The following HOXD13 variants were observed in gnomAD, a reference collection of about 807,000 sequenced individuals.
HOXD13 encodes homeobox D13.
HOXD13 carries 16 observed loss-of-function variants against 27.3 expected under a neutral mutation model. That is an observed-to-expected ratio of 0.59 (90% CI 0.40 to 0.89). The LOEUF (loss-of-function observed/expected upper bound fraction) is 0.89, where lower values mean the gene tolerates loss of function less well. HOXD13 is among the 40% of genes least tolerant of loss of function. The pLI is 0.00. For synonymous variants in HOXD13, 241 were observed against 219.0 expected, an observed-to-expected ratio of 1.10 and a Z score of -0.89; for missense variants, 481 against 482.6, an observed-to-expected ratio of 1.00 and a Z score of 0.03.
At chr2:176,089,272 G>C (rs570077823), upstream of HOXD13, among the ~76,000 whole-genome samples, 17 of 152,330 alleles carry the variant, frequency 1.1e-4, no homozygotes, top group South Asian at 2.3e-3. Context: ...TGCCTGGAGA[G>C]GGAAAATTAG....
intron 1 of HOXD13, among the ~76,000 whole-genome samples, 154 bp downstream of exon 1, chr2:176,093,825 G>A (rs1480695354): frequency 6.6e-6 from 1 of 152,208 alleles, no homozygotes; most frequent in Non-Finnish European, 1.5e-5. Flanking sequence ...TGTCCAGTTC[G>A]TGTGAAATCT....
chr2:176,094,764 C>G lies in HOXD13; in HGVS notation c.*34C>G. 2 of 1,605,364 alleles carry G rather than the reference C, an allele frequency of 1.2e-6. No individual in the cohort carries two copies. The highest frequency in any genetic ancestry group is 2.7e-5 in the African/African-American group (2 of 74,840). Reference sequence around the variant, plus strand: ...AGGTTGGCCACAGACAGCTTAGAAGCCATTCGGTTGTCTCCAAAAGGCCTT... The same window carrying G: ...AGGTTGGCCACAGACAGCTTAGAAGGCATTCGGTTGTCTCCAAAAGGCCTT... On this transcript the variant is annotated 3_prime_UTR_variant, in exon 2 of 2. Transcript: ENST00000392539.
chr2:176,095,700 C>T lies in HOXD13; in HGVS notation c.*970C>T, dbSNP rs1446203040. 4.4e-6 allele frequency: 1 copy of T among 226,408 alleles called. No homozygotes were observed. Among genetic ancestry groups the T allele is most frequent in the African/African-American group, 2.2e-5 (1 of 44,902 alleles). The allele number at this position is 226,408 out of a possible 1,614,324, so 14.0% of individuals were successfully genotyped here. On this transcript the variant is annotated 3_prime_UTR_variant, in exon 2 of 2. Coordinates refer to ENST00000392539, the MANE Select transcript of HOXD13 (RefSeq NM_000523.4). ...CTAAACAAGGGGGCCTCGCATGGAG[C>T]TGTAAAGCATCTAACAAATATGAAA...
At position 176,095,000 on chromosome 2, in the gene HOXD13, C is replaced by A; in HGVS notation, c.*270C>A. On this transcript the variant is annotated 3_prime_UTR_variant, in exon 2 of 2. Transcript: ENST00000392539. ...TGTTTTTAATGTTTTGTTTCTCCCT[C>A]CAGGCCAGTATAAAGGGACTTGAAG... 2.1e-6 allele frequency: 1 copy of A among 473,524 alleles called. No individual in the cohort carries two copies. Among genetic ancestry groups the A allele is most frequent in the South Asian group, 2.3e-5 (1 of 43,398 alleles). The allele number at this position is 473,524 out of a possible 1,614,324, so 29.3% of individuals were successfully genotyped here.
chr2:176,093,546 G>A lies in HOXD13; in HGVS notation c.656G>A (p.Arg219Gln). ...MVSTFGSGEP[R>Q]HEAYISMEGY... ...TCCACTTTCGGCTCCGGGGAGCCTC[G>A]GCACGAGGCCTACATCTCCATGGAG... Residue 219 changes from arginine (R) to glutamine (Q), a missense_variant, in exon 1 of 2, where the codon CGG (arginine) becomes CAG (glutamine). Coordinates refer to ENST00000392539, the MANE Select transcript of HOXD13 (RefSeq NM_000523.4). 3 of 1,613,918 alleles carry A rather than the reference G, an allele frequency of 1.9e-6. No homozygotes were observed. Among genetic ancestry groups the A allele is most frequent in the Non-Finnish European group, 2.5e-6 (3 of 1,179,994 alleles).
rs761949520 is a variant in HOXD13, at chr2:176,093,253, C to T, written c.363C>T (p.Ser121=). 9.3e-6 allele frequency: 15 copies of T among 1,610,360 alleles called. No individual in the cohort carries two copies. The South Asian group carries it at 1.4e-4, about 15-fold the overall frequency. The change falls in exon 1 of 2, where the codon AGC becomes AGT. Residue 121 remains serine, a synonymous_variant. Coordinates refer to ENST00000392539, the MANE Select transcript of HOXD13 (RefSeq NM_000523.4). ...TPAAAAAAPP[S]APALGYGYHF... ...CAGCGGCCGCTGCAGCGCCCCCGAGCGCTCCAGCGCTGGGCTACGGCTACC... is the reference window on the plus strand; with the variant it reads ...CAGCGGCCGCTGCAGCGCCCCCGAGTGCTCCAGCGCTGGGCTACGGCTACC...
chr2:176,093,054 G>C lies in HOXD13; in HGVS notation c.164G>C (p.Gly55Ala), dbSNP rs1443225761. The change falls in exon 1 of 2, where the codon GGG becomes GCG. Residue 55 changes from glycine to alanine, a missense_variant. Gly to Ala is a moderately conservative substitution (Grantham distance 60). Transcript: ENST00000392539. ...CCTGTGTTCGCCGGGACGCATTCGG[G>C]GCGGGCGGCGGCGGCGGCAGCGGCG... ...SAPVFAGTHSGRAAAAAAAAA... is the reference protein window; with the variant it reads ...SAPVFAGTHSARAAAAAAAAA... 7.3e-7 allele frequency: 1 copy of C among 1,374,062 alleles called. No homozygotes were observed. 85.1% of individuals were successfully genotyped at this position (1,374,062 alleles called of 1,614,324 possible).
upstream of HOXD13, among the ~76,000 whole-genome samples, chr2:176,090,514 TC>T (rs1389288345): frequency 1.3e-5 from 2 of 152,240 alleles, no homozygotes; most frequent in Non-Finnish European, 2.9e-5. Context: ...GACACATTCT[TC>T]CCATTTTCAT....
rs1251297747 is a variant in HOXD13 at position 176,094,469 on chromosome 2, G to T, written c.782-11G>T. ...CCAGCCTAATTTTTCTTGTGCTTTT[G>T]TTTGTATCAGGGGATGTGGCTCTAA... On this transcript the variant is annotated splice_polypyrimidine_tract_variant and intron_variant, in intron 1 of 1. Transcript: ENST00000392539. 6.2e-7 allele frequency: 1 copy of T among 1,613,366 alleles called. No homozygotes were observed.
In HOXD13 at chr2:176,095,522, T is replaced by A. The variant is rs1222830988; in HGVS notation, c.*792T>A. 3 of 229,362 alleles carry A rather than the reference T, an allele frequency of 1.3e-5. No homozygotes were observed. Among genetic ancestry groups the A allele is most frequent in the African/African-American group, 2.2e-5 (1 of 45,038 alleles). The allele number at this position is 229,362 out of a possible 1,614,324, so 14.2% of individuals were successfully genotyped here. On this transcript the variant is annotated 3_prime_UTR_variant, in exon 2 of 2. Transcript: ENST00000392539. ...ATTTAAATGGCTGCAATCAGTAGAG[T>A]GACCCGCGGATGGCATAAATGCACC...
At chr2:176,088,570 T>C (rs1466355339), upstream of HOXD13, among the ~76,000 whole-genome samples, 1 of 151,750 alleles carries the variant, frequency 6.6e-6, no homozygotes, top group Non-Finnish European at 1.5e-5. Context: ...CCCCCCTTCG[T>C]GCTTGGGCAC....
upstream of HOXD13, among the ~76,000 whole-genome samples, chr2:176,091,804 A>G (rs1234475862): frequency 6.6e-6 from 1 of 151,780 alleles, no homozygotes; most frequent in African/African-American, 2.4e-5. Context: ...TGACTGCAAA[A>G]TGCGAGGCCG....
At position 176,094,703 on chromosome 2, in the gene HOXD13, C is replaced by T. The variant is rs369216922; in HGVS notation, c.1005C>T (p.Val335=). The part of the protein sequence containing the change: ...QNRRVKDKKI[V]SKLKDTVS Reference sequence around the variant, plus strand: ...GAAGAGTGAAGGACAAGAAAATTGTCTCCAAGCTCAAAGATACTGTCTCCT... The same window carrying T: ...GAAGAGTGAAGGACAAGAAAATTGTTTCCAAGCTCAAAGATACTGTCTCCT... Residue 335 remains valine, a synonymous_variant, in exon 2 of 2, where the codon GTC becomes GTT. Transcript: ENST00000392539. 1.5e-4 allele frequency: 246 copies of T among 1,613,990 alleles called. No homozygotes were observed. Among genetic ancestry groups the T allele is most frequent in the Non-Finnish European group, 2.0e-4 (239 of 1,179,972 alleles).
At chr2:176,094,415 AC>A in intron 1 of HOXD13, 64 bp from the exon 2 acceptor site, 3 of 1,586,306 alleles carry the variant, frequency 1.9e-6, no homozygotes, top group Non-Finnish European at 2.6e-6. Context: ...ACACACACAC[AC>A]AATCCTCAGC....
rs1689344744 is a variant in HOXD13 at position 176,092,953 on chromosome 2, C to T, written c.63C>T (p.Gly21=). 1.5e-6 allele frequency: 2 copies of T among 1,326,770 alleles called. No individual in the cohort carries two copies. Among genetic ancestry groups the T allele is most frequent in the African/African-American group, 1.5e-5 (1 of 64,604 alleles). The allele number at this position is 1,326,770 out of a possible 1,614,324, so 82.2% of individuals were successfully genotyped here. A position where few individuals can be genotyped will look rare whatever the true frequency, so the allele number is the denominator to read the frequency against. The change falls in exon 1 of 2, where the codon GGC becomes GGT. Residue 21 remains glycine, a synonymous_variant. Transcript: ENST00000392539. ...GLRADGGGAG[G]APASSSSSSV... ...GGGCAGACGGCGGGGGCGCCGGTGG[C>T]GCCCCGGCCTCTTCCTCCTCCTCAT... is the stretch of plus-strand genomic sequence containing the variant.
chr2:176,089,198 G>C (rs573694735), upstream of HOXD13, among the ~76,000 whole-genome samples: 6 of 151,538 alleles, frequency 4.0e-5, no homozygotes, highest in African/African-American at 1.5e-4. Context: ...AATAGGTTTG[G>C]TTTGTTGTTG....
Position 176,094,997 on chromosome 2 carries a change from C to T in HOXD13, c.*267C>T. On this transcript the variant is annotated 3_prime_UTR_variant, in exon 2 of 2. Transcript: ENST00000392539. ...ATCTGTTTTTAATGTTTTGTTTCTC[C>T]CTCCAGGCCAGTATAAAGGGACTTG... 2.1e-6 allele frequency: 1 copy of T among 476,522 alleles called. No individual in the cohort carries two copies. The highest frequency in any genetic ancestry group is 3.7e-5 in the Admixed American group (1 of 27,036). The allele number at this position is 476,522 out of a possible 1,614,324, so 29.5% of individuals were successfully genotyped here.
chr2:176,088,437 G>T (rs748820260), upstream of HOXD13, among the ~76,000 whole-genome samples: 3 of 152,216 alleles, frequency 2.0e-5, no homozygotes, highest in Non-Finnish European at 4.4e-5. Context: ...CCTGCCTCGA[G>T]TTCCTGTGCC....
At position 176,095,095 on chromosome 2, in the gene HOXD13, ATTACT is replaced by A. The variant is rs1297392959; in HGVS notation, c.*369_*373del. On this transcript the variant is annotated 3_prime_UTR_variant, in exon 2 of 2. Transcript: ENST00000392539. ...TCTGATTTAAGGGTTTTTTTAAAAA[ATTACT>A]TTATTTGTTCATTCCCAGCACTGAT... The A allele has an allele frequency of 2.8e-6, 1 of 351,590 alleles. No homozygotes were observed. Among genetic ancestry groups the A allele is most frequent in the Non-Finnish European group, 5.3e-6 (1 of 189,182 alleles). 21.8% of individuals were successfully genotyped at this position (351,590 alleles called of 1,614,324 possible).
Sources: gnomAD v4.1 joint callset for allele counts (sites outside exome capture counted in the v4.1 genomes callset) on GRCh38, gnomAD v4.1.1 for gene constraint, MANE v1.5 for transcripts, NCBI Gene and HGNC (gene_info 2026-07-23, HGNC 2026-07-21) for gene names.